OGT: variants seen among roughly 807,000 people sequenced by gnomAD.
OGT encodes O-linked N-acetylglucosamine (GlcNAc) transferase, also known as UDP-N-acetylglucosamine--peptide N-acetylglucosaminyltransferase 110 kDa subunit.
Under a neutral mutation model 75.8 loss-of-function variants are expected in OGT, and 3 were observed. That is an observed-to-expected ratio of 0.04 (90% CI 0.02 to 0.10). The LOEUF (loss-of-function observed/expected upper bound fraction) is 0.10, where lower values mean the gene tolerates loss of function less well. Ranked by LOEUF, OGT falls within the 10% of genes least tolerant of loss-of-function variation. The pLI is 1.00. For missense variants in OGT, 260 were observed against 824.4 expected, an observed-to-expected ratio of 0.32 and a Z score of 8.38; for synonymous variants, 257 against 289.7, an observed-to-expected ratio of 0.89 and a Z score of 1.15.
chrX:71,539,500 T>C (rs1175892515), intron 3 of OGT, among the ~76,000 whole-genome samples: 1 of 111,759 alleles, frequency 8.9e-6, no homozygotes. Context: ...TCTAAATTTA[T>C]TGGTTTTTGA....
At chrX:71,566,867 A>G (rs2040420096) in intron 19 of OGT, among the ~76,000 whole-genome samples, 1 of 112,740 alleles carries the variant, frequency 8.9e-6, no homozygotes, top group African/African-American at 3.2e-5. Flanking sequence ...CATAGCTTTC[A>G]GAGAAAGGGA....
In OGT at chrX:71,559,632, A is replaced by G. The variant is rs1384568794; in HGVS notation, c.1806A>G (p.Arg602=). 1 of 1,211,079 alleles carries G rather than the reference A, an allele frequency of 8.3e-7. No homozygotes were observed. The highest frequency in any genetic ancestry group is 2.2e-5 in the Admixed American group (1 of 46,021). Residue 602 remains arginine, a synonymous_variant, in exon 14 of 22, where the codon CGA becomes CGG. Coordinates refer to ENST00000373719, the MANE Select transcript of OGT (RefSeq NM_181672.3). ...GCCCAGACGATGGCACAAACTTCCG[A>G]GTGAAGGTGATGGCAGAAGCCAATC... The part of the protein sequence containing the change: ...ALSPDDGTNF[R]VKVMAEANHF...
intron 1 of OGT, among the ~76,000 whole-genome samples, chrX:71,534,128 G>A (rs2040156853): frequency 9.0e-6 from 1 of 110,729 alleles, no homozygotes. Context: ...CCACCCCGAT[G>A]CTGCTGCTTT....
Position 71,555,134 on chromosome X carries a change from T to TTGTGTGTGTG in OGT, c.729-20_729-11dup, listed in dbSNP as rs376605851. On this transcript the variant is annotated intron_variant, in intron 6 of 21. Coordinates refer to ENST00000373719, the MANE Select transcript of OGT (RefSeq NM_181672.3). ...CCATCCATTAAGCATGAGTTACATTTTGTGTGTGTGTGTGTGTGTGTGTGT... is the reference window on the plus strand; with the variant it reads ...CCATCCATTAAGCATGAGTTACATTTTGTGTGTGTGTGTGTGTGTGTGTGTGTGTGTGTGT... The TTGTGTGTGTG allele has an allele frequency of 1.2e-3, 636 of 533,433 alleles. 6 individuals are homozygous for TTGTGTGTGTG. Among genetic ancestry groups the TTGTGTGTGTG allele is most frequent in the East Asian group, 6.1e-3 (148 of 24,098 alleles). The allele number at this position is 533,433 out of a possible 1,213,427, so 44.0% of individuals were successfully genotyped here. A position where few individuals can be genotyped will look rare whatever the true frequency, so the allele number is the denominator to read the frequency against.
intron 16 of OGT, 45 bp downstream of exon 16, chrX:71,563,062 C>T: frequency 4.2e-6 from 5 of 1,190,728 alleles, no homozygotes; most frequent in Non-Finnish European, 5.7e-6. Context: ...AGAACTGTAG[C>T]TTTTTATTTC....
intron 3 of OGT, among the ~76,000 whole-genome samples, chrX:71,542,735 A>G (rs1481873999): frequency 8.9e-6 from 1 of 112,482 alleles, no homozygotes; most frequent in East Asian, 2.8e-4. Flanking sequence ...GCTTGTATGC[A>G]TGGATTGGAT....
chrX:71,534,592 C>T (rs911392667), intron 1 of OGT, among the ~76,000 whole-genome samples: 3 of 110,909 alleles, frequency 2.7e-5, no homozygotes, highest in Non-Finnish European at 5.7e-5. Context: ...TCAATAGTGT[C>T]TTATCCGTAA....
chrX:71,551,924 TA>T (rs1013200585), intron 5 of OGT, among the ~76,000 whole-genome samples: 6 of 111,191 alleles, frequency 5.4e-5, no homozygotes, highest in Non-Finnish European at 9.4e-5. Context: ...ATTAAACTTT[TA>T]GGCCGGGTGC....
intron 5 of OGT, among the ~76,000 whole-genome samples, chrX:71,549,246 A>G (rs2147676385): frequency 1.1e-5 from 1 of 92,817 alleles, no homozygotes; most frequent in South Asian, 6.0e-4. Context: ...CAGTGAACCA[A>G]GATTGCACCA....
At chrX:71,568,887 A>G (rs756797130) in intron 21 of OGT, among the ~76,000 whole-genome samples, 10 of 111,249 alleles carry the variant, frequency 9.0e-5, no homozygotes, top group South Asian at 3.7e-4. Context: ...AACAAAAAAA[A>G]CCAAAAAAAG....
intron 21 of OGT, among the ~76,000 whole-genome samples, chrX:71,572,678 G>A (rs923509378): frequency 9.9e-5 from 11 of 111,521 alleles, no homozygotes; most frequent in Non-Finnish European, 2.1e-4. Flanking sequence ...GGGGCAGGAG[G>A]ATTGCTTGAG....
At chrX:71,556,213 C>A in intron 8 of OGT, 119 bp downstream of exon 8, 2 of 814,523 alleles carry the variant, frequency 2.5e-6, no homozygotes, top group South Asian at 2.8e-5. Flanking sequence ...GAGGATTATT[C>A]ATTGAAGTAA....
chrX:71,569,244 C>T (rs2147694983), intron 21 of OGT, among the ~76,000 whole-genome samples: 1 of 111,889 alleles, frequency 8.9e-6, no homozygotes, highest in East Asian at 2.8e-4. Flanking sequence ...AGGAGAATGG[C>T]ATGAGCCCAG....
chrX:71,547,391 T>A (rs1450749355), intron 4 of OGT: 1 of 694,317 alleles, frequency 1.4e-6, no homozygotes, highest in African/African-American at 2.4e-5. Flanking sequence ...TATTAAAGGC[T>A]TAGGGAAGTC....
At chrX:71,549,295 CAAAAAAAAAAAAAAAA>C (rs35779562) in intron 5 of OGT, among the ~76,000 whole-genome samples, 1 of 21,837 alleles carries the variant, frequency 4.6e-5, no homozygotes, top group East Asian at 1.7e-3. Flanking sequence ...GGCCCTGTCT[CAAAAAAAAAAAAAAAA>C]AAAAAAAAAA....
rs144678540 is a variant in OGT at position 71,569,459 on chromosome X, G to A, written c.2966+1343G>A. Among the ~76,000 whole-genome samples the A allele has an allele frequency of 6.3e-3, 701 of 111,796 alleles. 1 individual carries two copies. Among genetic ancestry groups the A allele is most frequent in the Non-Finnish European group, 0.011 (580 of 53,073 alleles). ...AGAGGGGTGATGCTTAGATGAGGAG[G>A]ATTTATCCATACAATAAACTAGTAT... On this transcript the variant is annotated intron_variant, in intron 21 of 21. Transcript: ENST00000373719.
At chrX:71,563,048 TC>T in intron 16 of OGT, 31 bp downstream of exon 16, 1 of 1,194,530 alleles carries the variant, frequency 8.4e-7, no homozygotes, top group Non-Finnish European at 1.1e-6. Context: ...TGGACGAATT[TC>T]AAAGAACTGT....
chrX:71,547,826 C>CA, intron 4 of OGT, 81 bp from the exon 5 acceptor site: 1 of 725,256 alleles, frequency 1.4e-6, no homozygotes, highest in Non-Finnish European at 1.8e-6. Context: ...TCCCCCCAAT[C>CA]TTTTTTTTTT....
At chrX:71,542,786 G>T (rs752438294) in intron 3 of OGT, among the ~76,000 whole-genome samples, 1 of 112,321 alleles carries the variant, frequency 8.9e-6, no homozygotes, top group African/African-American at 3.2e-5. Context: ...AACCCTTTCA[G>T]TTTAGAAAAA....
Sources: gnomAD v4.1 joint callset for allele counts (sites outside exome capture counted in the v4.1 genomes callset) on GRCh38, gnomAD v4.1.1 for gene constraint, MANE v1.5 for transcripts, NCBI Gene and HGNC (gene_info 2026-07-23, HGNC 2026-07-21) for gene names.